ABCD3: variants seen among roughly 807,000 people sequenced by gnomAD.
ABCD3 encodes the protein ATP binding cassette subfamily D member 3, also known as ATP-binding cassette sub-family D member 3.
In ABCD3, 41 loss-of-function variants were observed where a neutral mutation model predicts 105.5. That is an observed-to-expected ratio of 0.39 (90% CI 0.30 to 0.50). ABCD3 has a LOEUF of 0.50. ABCD3 is among the 20% of genes least tolerant of loss of function. The pLI, the probability that ABCD3 is intolerant of heterozygous loss-of-function variation, is 0.84. For synonymous variants in ABCD3, 258 were observed against 269.0 expected, an observed-to-expected ratio of 0.96 and a Z score of 0.40; for missense variants, 622 against 806.3, an observed-to-expected ratio of 0.77 and a Z score of 2.77.
the ABCD3 span, among the ~76,000 whole-genome samples, chr1:94,388,398 AT>A: frequency 0.66 from 100,540 of 152,022 alleles, 33,510 homozygotes; most frequent in Middle Eastern, 0.82. Flanking sequence ...CTTCCCTCCA[AT>A]TTTTTTCTGA....
chr1:94,471,490 C>T (rs12094329), intron 4 of ABCD3, among the ~76,000 whole-genome samples: 31,703 of 149,058 alleles, frequency 0.21, 3,795 homozygotes, highest in Admixed American at 0.3. Context: ...TTAGGGATAT[C>T]CTGTCTCACA....
chr1:94,457,575 T>A (rs1647638277), intron 1 of ABCD3, among the ~76,000 whole-genome samples: 1 of 151,952 alleles, frequency 6.6e-6, no homozygotes, highest in African/African-American at 2.4e-5. Flanking sequence ...CCCGCCTTTG[T>A]CCCCCACCTT....
At chr1:94,517,026 C>CT (rs1330467618) in intron 22 of ABCD3, 26 bp from the exon 23 acceptor site, 3 of 1,541,036 alleles carry the variant, frequency 1.9e-6, no homozygotes, top group African/African-American at 1.4e-5. Flanking sequence ...TAGTTACTGA[C>CT]TTTTTTTCCC....
rs373205893 is a variant in ABCD3, at chr1:94,480,255, A to G, written c.685-209A>G. 61 of 596,720 alleles carry G rather than the reference A, an allele frequency of 1.0e-4. No individual in the cohort carries two copies. In the African/African-American group the frequency reaches 1.0e-3, roughly 10 times the overall value. 37.0% of individuals were successfully genotyped at this position (596,720 alleles called of 1,614,324 possible). A position where few individuals can be genotyped will look rare whatever the true frequency, so the allele number is the denominator to read the frequency against. On this transcript the variant is annotated intron_variant, in intron 8 of 22. Transcript: ENST00000370214. ...ATGTAGGAGAGCTGAGGGATAAGCT[A>G]CAGTGGTAAGAGGAAAAGCCCATGA...
chr1:94,476,474 C>G (rs1169189726), intron 7 of ABCD3, among the ~76,000 whole-genome samples: 2 of 152,148 alleles, frequency 1.3e-5, no homozygotes, highest in Non-Finnish European at 2.9e-5. Context: ...TGCTTCAGTT[C>G]CCACTCTAAC....
intron 2 of ABCD3, among the ~76,000 whole-genome samples, chr1:94,462,629 G>A (rs1036184951): frequency 7.9e-5 from 12 of 152,152 alleles, no homozygotes; most frequent in African/African-American, 2.9e-4. Flanking sequence ...ATATTTTAAA[G>A]TGTTTCAACG....
At chr1:94,402,585 C>T in the ABCD3 span, among the ~76,000 whole-genome samples, 2 of 152,126 alleles carry the variant, frequency 1.3e-5, no homozygotes, top group African/African-American at 2.4e-5. Flanking sequence ...ATACTCTAAC[C>T]TACCAATAGT....
intron 1 of ABCD3, among the ~76,000 whole-genome samples, chr1:94,450,526 A>G (rs901879764): frequency 6.6e-6 from 1 of 152,254 alleles, no homozygotes; most frequent in African/African-American, 2.4e-5. Context: ...CTGTGCCTTA[A>G]GGACATGTTC....
intron 1 of ABCD3, among the ~76,000 whole-genome samples, chr1:94,426,576 T>G (rs1557658224): frequency 6.6e-6 from 1 of 151,588 alleles, no homozygotes; most frequent in South Asian, 2.1e-4. Context: ...GGAGTCCTGC[T>G]CTGTCACCCA....
chr1:94,414,619 G>A (rs537251033), upstream of ABCD3, among the ~76,000 whole-genome samples: 13 of 152,146 alleles, frequency 8.5e-5, no homozygotes, highest in East Asian at 5.8e-4. Context: ...AATCCTACCC[G>A]GTTGGATTGG....
the ABCD3 span, among the ~76,000 whole-genome samples, chr1:94,398,603 C>T: frequency 6.6e-6 from 1 of 152,050 alleles, no homozygotes; most frequent in Non-Finnish European, 1.5e-5. Flanking sequence ...TTCCTGGTAG[C>T]CTGATATATT....
chr1:94,493,616 T>C (rs1287157012), intron 16 of ABCD3, among the ~76,000 whole-genome samples: 14 of 151,314 alleles, frequency 9.3e-5, no homozygotes, highest in Non-Finnish European at 1.9e-4. Flanking sequence ...GGACTATAAA[T>C]CATGCTGCTA....
upstream of ABCD3, among the ~76,000 whole-genome samples, chr1:94,417,765 A>T (rs539241550): frequency 6.6e-6 from 1 of 152,298 alleles, no homozygotes; most frequent in East Asian, 1.9e-4. Flanking sequence ...TTCTATTCTC[A>T]ATTTTATTAA....
At chr1:94,440,320 T>C (rs1320962831) in intron 1 of ABCD3, among the ~76,000 whole-genome samples, 1 of 152,226 alleles carries the variant, frequency 6.6e-6, no homozygotes, top group Admixed American at 6.5e-5. Flanking sequence ...TTTCAAGTAG[T>C]GTTTGAAAAT....
At chr1:94,425,409 G>A (rs894904818) in intron 1 of ABCD3, among the ~76,000 whole-genome samples, 1 of 152,096 alleles carries the variant, frequency 6.6e-6, no homozygotes, top group Non-Finnish European at 1.5e-5. Context: ...ATTCCTCTGT[G>A]TGACAATATC....
chr1:94,453,997 C>T, intron 1 of ABCD3, among the ~76,000 whole-genome samples: 1 of 147,770 alleles, frequency 6.8e-6, no homozygotes, highest in African/African-American at 2.5e-5. Flanking sequence ...TAGGTGAATT[C>T]CACAGGATAT....
At chr1:94,443,904 G>A (rs1660231234) in intron 1 of ABCD3, among the ~76,000 whole-genome samples, 1 of 152,056 alleles carries the variant, frequency 6.6e-6, no homozygotes, top group Non-Finnish European at 1.5e-5. Context: ...TCTAATATTG[G>A]TTATATTGCC....
At chr1:94,429,999 CAG>C (rs1259230667) in intron 1 of ABCD3, among the ~76,000 whole-genome samples, 1 of 152,228 alleles carries the variant, frequency 6.6e-6, no homozygotes, top group African/African-American at 2.4e-5. Flanking sequence ...TGCAAAGCCA[CAG>C]GGGCAGAGCT....
chr1:94,401,633 A>C, the ABCD3 span, among the ~76,000 whole-genome samples: 2 of 152,288 alleles, frequency 1.3e-5, no homozygotes, highest in Middle Eastern at 3.4e-3. Context: ...ATATTTTTAG[A>C]TATTTCAGGT....
Sources: gnomAD v4.1 joint callset for allele counts (sites outside exome capture counted in the v4.1 genomes callset) on GRCh38, gnomAD v4.1.1 for gene constraint, MANE v1.5 for transcripts, NCBI Gene and HGNC (gene_info 2026-07-23, HGNC 2026-07-21) for gene names.